Variants in LRIG2 observed in about 807,000 individuals in gnomAD.
LRIG2 encodes the protein leucine rich repeats and immunoglobulin like domains 2, also known as leucine-rich repeats and immunoglobulin-like domains protein 2.
Under a neutral mutation model 107.8 loss-of-function variants are expected in LRIG2, and 93 were observed. The ratio of observed to expected loss-of-function variants is 0.86; its 90% CI spans 0.73 to 1.03. The LOEUF (loss-of-function observed/expected upper bound fraction) is 1.03, where lower values mean the gene tolerates loss of function less well. Ranked by LOEUF, LRIG2 falls within the 50% of genes least tolerant of loss-of-function variation. LRIG2 has a pLI of 0.00. For synonymous variants in LRIG2, 471 were observed against 470.6 expected (o/e 1.00, Z -0.01); for missense variants, 1,226 against 1,296.0 (o/e 0.95, Z 0.83).
At chr1:113,103,101 A>T (rs1654375789) in intron 11 of LRIG2, 1 of 152,198 alleles carries the variant, frequency 6.6e-6, no homozygotes, top group Non-Finnish European at 1.5e-5. Flanking sequence ...AGTAGGTCAA[A>T]GCAAATATTG....
At position 113,124,151 on chromosome 1, in the gene LRIG2, A is replaced by G. The variant is rs779396501; in HGVS notation, c.*50A>G. 2.9e-5 allele frequency: 44 copies of G among 1,510,736 alleles called. No individual in the cohort carries two copies. The highest frequency in any genetic ancestry group is 4.0e-5 in the Non-Finnish European group (44 of 1,089,846). The allele number at this position is 1,510,736 out of a possible 1,614,324, so 93.6% of individuals were successfully genotyped here. A position where few individuals can be genotyped will look rare whatever the true frequency, so the allele number is the denominator to read the frequency against. On this transcript the variant is annotated 3_prime_UTR_variant, in exon 18 of 18. Transcript: ENST00000361127. ...GCAGAGACTTATTAATTAATTTTGC[A>G]TTTACTACCTCAGAGCTCAGAAGAA...
At position 113,110,576 on chromosome 1, in the gene LRIG2, C is replaced by A; in HGVS notation, c.1798+14C>A. The A allele has an allele frequency of 6.4e-7, 1 of 1,556,010 alleles. No homozygotes were observed. Among genetic ancestry groups the A allele is most frequent in the Non-Finnish European group, 8.7e-7 (1 of 1,143,598 alleles). On this transcript the variant is annotated intron_variant, in intron 13 of 17. Coordinates refer to ENST00000361127, the MANE Select transcript of LRIG2 (RefSeq NM_014813.3). Reference sequence around the variant, plus strand: ...TGACTGTAAATGGTAAGGAATTATGCTCCTTGATTTTTTTTAGTTTAGAAG... The same window carrying A: ...TGACTGTAAATGGTAAGGAATTATGATCCTTGATTTTTTTTAGTTTAGAAG...
chr1:113,118,841 T>G (rs1440147818), intron 16 of LRIG2, among the ~76,000 whole-genome samples: 1 of 152,176 alleles, frequency 6.6e-6, no homozygotes, highest in African/African-American at 2.4e-5. Context: ...ATTTTTTGTA[T>G]TTTTAGTAGA....
At position 113,073,629 on chromosome 1, in the gene LRIG2, C is replaced by A. The variant is rs1652813071; in HGVS notation, c.223C>A (p.Pro75Thr). The change falls in exon 1 of 18, where the codon CCC (proline) becomes ACC (threonine). Residue 75 changes from proline to threonine, a missense_variant. This residue lies in a region of LRIG2 where 570 missense variants were observed against 550.2 expected (regional missense o/e 1.04). Transcript: ENST00000361127. ...GAGGGCGCTGTCGGGCTTGCTGCCC[C>A]CCGACACCGCTATCCTGTGAGTAGA... ...SWRALSGLLP[P>T]DTAILDFSHN... 2 of 1,612,682 alleles carry A rather than the reference C, an allele frequency of 1.2e-6. No individual in the cohort carries two copies. The highest frequency in any genetic ancestry group is 1.7e-6 in the Non-Finnish European group (2 of 1,179,964).
intron 14 of LRIG2, 24 bp downstream of exon 14, chr1:113,112,784 C>T (rs753207236): frequency 1.3e-6 from 2 of 1,564,310 alleles, no homozygotes; most frequent in South Asian, 1.2e-5. Context: ...TCCATGGGTC[C>T]CTGCTTTTGT....
chr1:113,123,282 A>G (rs1192743170), intron 17 of LRIG2, among the ~76,000 whole-genome samples: 1 of 152,216 alleles, frequency 6.6e-6, no homozygotes, highest in Non-Finnish European at 1.5e-5. Flanking sequence ...AGTTTTATTT[A>G]AAAATTTTGT....
At chr1:113,095,418 TGTC>T (rs1654013072) in intron 6 of LRIG2, among the ~76,000 whole-genome samples, 1 of 152,138 alleles carries the variant, frequency 6.6e-6, no homozygotes, top group East Asian at 1.9e-4. Context: ...CTTTTTTTGT[TGTC>T]GTTGTTGAGA....
At chr1:113,119,107 CTACT>C in intron 16 of LRIG2, 122 bp from the exon 17 acceptor site, 1 of 811,256 alleles carries the variant, frequency 1.2e-6, no homozygotes, top group Non-Finnish European at 2.0e-6. Flanking sequence ...GAAACTTCAC[CTACT>C]TTATAAAGTA....
In LRIG2 at chr1:113,124,093, G is replaced by C; in HGVS notation, c.3190G>C (p.Gly1064Arg). 3 of 1,613,548 alleles carry C rather than the reference G, an allele frequency of 1.9e-6. No homozygotes were observed. Among genetic ancestry groups the C allele is most frequent in the South Asian group, 2.2e-5 (2 of 91,058 alleles). Residue 1064 changes from glycine (G) to arginine (R), a missense_variant, in exon 18 of 18, where the codon GGC becomes CGC. Gly to Arg is a moderately radical substitution (Grantham distance 125). Around this residue, in one of 3 missense-constraint regions of LRIG2, gnomAD observed 642 missense variants for 712.2 expected, o/e 0.90. Coordinates refer to ENST00000361127, the MANE Select transcript of LRIG2 (RefSeq NM_014813.3). The part of the protein sequence containing the change: ...RTRNIQDGSE[G>R]T ...TCGGAACATTCAAGATGGTAGTGAGGGCACATGAAACTCACTTCAGGATGA... is the reference window on the plus strand; with the variant it reads ...TCGGAACATTCAAGATGGTAGTGAGCGCACATGAAACTCACTTCAGGATGA...
At chr1:113,082,501 G>C (rs1653332617) in intron 1 of LRIG2, among the ~76,000 whole-genome samples, 1 of 152,210 alleles carries the variant, frequency 6.6e-6, no homozygotes, top group African/African-American at 2.4e-5. Context: ...ACTGGCATCA[G>C]CTTGGCTTCT....
chr1:113,073,402 G>A lies in LRIG2; in HGVS notation c.-5G>A, dbSNP rs1180218087. ...TTCTAGGCCACGTCCAGGTCGAGGG[G>A]GAAAATGGCGCCGGCGCCCCTAGGC... On this transcript the variant is annotated 5_prime_UTR_variant, in exon 1 of 18. Transcript: ENST00000361127. 6.2e-7 allele frequency: 1 copy of A among 1,612,948 alleles called. No homozygotes were observed. The highest frequency in any genetic ancestry group is 1.7e-5 in the Admixed American group (1 of 59,948).
At chr1:113,117,372 A>G (rs1195719088) in intron 16 of LRIG2, among the ~76,000 whole-genome samples, 1 of 152,224 alleles carries the variant, frequency 6.6e-6, no homozygotes. Context: ...ATACTATACA[A>G]ATGGAAGATT....
intron 1 of LRIG2, among the ~76,000 whole-genome samples, chr1:113,076,004 C>CT (rs58037652): frequency 0.036 from 4,771 of 132,360 alleles, 108 homozygotes; most frequent in African/African-American, 0.063. Flanking sequence ...GCCTGGCCTA[C>CT]TTTTTTTTTT....
chr1:113,124,066 AC>A lies in LRIG2; in HGVS notation c.3164del (p.Thr1055IlefsTer26), dbSNP rs758970175. 12 of 1,614,108 alleles carry A rather than the reference AC, an allele frequency of 7.4e-6. 1 individual carries two copies. In the South Asian group the frequency reaches 1.2e-4, roughly 16 times the overall value. ...GGATCATGCTTTTGATTTTAGTAGG[AC>A]TCGGAACATTCAAGATGGTAGTGAG... ...LQDHAFDFSR[T>X]RNIQDGSEGT is the part of the protein sequence containing the mutation. On this transcript the variant is annotated frameshift_variant, in exon 18 of 18. Coordinates refer to ENST00000361127, the MANE Select transcript of LRIG2 (RefSeq NM_014813.3). LOFTEE classifies it high-confidence loss of function.
At chr1:113,115,853 G>T (rs1382697335) in intron 15 of LRIG2, among the ~76,000 whole-genome samples, 1 of 152,170 alleles carries the variant, frequency 6.6e-6, no homozygotes, top group Non-Finnish European at 1.5e-5. Context: ...ACGCATTACA[G>T]ATGCATTCTT....
In LRIG2 at chr1:113,132,057, C is replaced by T. The variant is rs1570789903; in HGVS notation, c.*7956C>T. 2 of 151,096 alleles carry T rather than the reference C, an allele frequency of 1.3e-5. No individual in the cohort carries two copies. Among genetic ancestry groups the T allele is most frequent in the African/African-American group, 4.9e-5 (2 of 41,020 alleles). The allele number at this position is 151,096 out of a possible 1,614,324, so 9.4% of individuals were successfully genotyped here. A position where few individuals can be genotyped will look rare whatever the true frequency, so the allele number is the denominator to read the frequency against. Reference sequence around the variant, plus strand: ...TCTACTTTCCACTATTATTTTTTTCCCCTATTGGATAATACTAGTCTGAGC... The same window carrying T: ...TCTACTTTCCACTATTATTTTTTTCTCCTATTGGATAATACTAGTCTGAGC... On this transcript the variant is annotated 3_prime_UTR_variant, in exon 18 of 18. Transcript: ENST00000361127.
At position 113,130,240 on chromosome 1, in the gene LRIG2, C is replaced by T. The variant is rs1655655281; in HGVS notation, c.*6139C>T. The T allele has an allele frequency of 6.6e-6, 1 of 152,170 alleles. No homozygotes were observed. The highest frequency in any genetic ancestry group is 1.5e-5 in the Non-Finnish European group (1 of 68,042). The allele number at this position is 152,170 out of a possible 1,614,324, so 9.4% of individuals were successfully genotyped here. A position where few individuals can be genotyped will look rare whatever the true frequency, so the allele number is the denominator to read the frequency against. ...CTGAAAAAAATAGCAGGAACCCATTCCAATGTCCAAGCTCCCCTAAAGTGC... is the reference window on the plus strand; with the variant it reads ...CTGAAAAAAATAGCAGGAACCCATTTCAATGTCCAAGCTCCCCTAAAGTGC... On this transcript the variant is annotated 3_prime_UTR_variant, in exon 18 of 18. Transcript: ENST00000361127.
At chr1:113,084,040 A>ATAATAATAATAT (rs539594494) in intron 1 of LRIG2, among the ~76,000 whole-genome samples, 16 of 129,322 alleles carry the variant, frequency 1.2e-4, no homozygotes, top group Admixed American at 2.4e-4. Flanking sequence ...AATAATAATA[A>ATAATAATAATAT]TATTGGCCTT....
intron 17 of LRIG2, among the ~76,000 whole-genome samples, chr1:113,119,778 A>G (rs1655169340): frequency 6.6e-6 from 1 of 152,186 alleles, no homozygotes; most frequent in African/African-American, 2.4e-5. Flanking sequence ...CAGAGGCCAT[A>G]CACAAAAAGC....
Sources: gnomAD v4.1 joint callset for allele counts (sites outside exome capture counted in the v4.1 genomes callset) on GRCh38, gnomAD v4.1.1 for gene constraint, gnomAD v4.1.1 regional missense constraint, MANE v1.5 for transcripts, NCBI Gene and HGNC (gene_info 2026-07-23, HGNC 2026-07-21) for gene names.